IKBKB: variants seen among roughly 807,000 people sequenced by gnomAD.
IKBKB encodes inhibitor of nuclear factor kappa B kinase subunit beta.
IKBKB carries 42 observed loss-of-function variants against 113.6 expected under a neutral mutation model. That is an observed-to-expected ratio of 0.37 (90% CI 0.29 to 0.48). IKBKB has a LOEUF of 0.48. Among genes scored for constraint, IKBKB ranks in the 20% least tolerant of loss-of-function variants. The pLI is 0.99. For missense variants in IKBKB, 673 were observed against 939.7 expected (o/e 0.72, Z 3.71); for synonymous variants, 296 against 361.3 (o/e 0.82, Z 2.05).
At chr8:42,280,907 C>A (rs1446850124) in intron 2 of IKBKB, among the ~76,000 whole-genome samples, 2 of 152,188 alleles carry the variant, frequency 1.3e-5, no homozygotes, top group African/African-American at 2.4e-5. Context: ...AAAGCCTCTG[C>A]TCCGTTCAGT....
chr8:42,292,869 A>G lies in IKBKB; in HGVS notation c.319-574A>G, dbSNP rs138595612. Among the ~76,000 whole-genome samples, 7 of 152,260 alleles carry G rather than the reference A, an allele frequency of 4.6e-5. No individual in the cohort carries two copies. In the East Asian group the frequency reaches 5.8e-4, roughly 13 times the overall value. ...CGTGTAACCTCAGTTTCCTCCTCCAACACGGGGATTCCACCCGTACTTACT... is the reference window on the plus strand; with the variant it reads ...CGTGTAACCTCAGTTTCCTCCTCCAGCACGGGGATTCCACCCGTACTTACT... On this transcript the variant is annotated intron_variant, in intron 4 of 21. Coordinates refer to ENST00000520810, the MANE Select transcript of IKBKB (RefSeq NM_001556.3).
At chr8:42,293,683 C>T (rs1310642037) in intron 5 of IKBKB, 171 bp downstream of exon 5, 1 of 1,025,170 alleles carries the variant, frequency 9.8e-7, no homozygotes. Context: ...AACAAGGAGT[C>T]AGCCAGACAG....
At chr8:42,328,567 G>A (rs1289302362) in intron 20 of IKBKB, among the ~76,000 whole-genome samples, 4 of 152,192 alleles carry the variant, frequency 2.6e-5, no homozygotes, top group Admixed American at 1.3e-4. Context: ...CCACAGCATA[G>A]AGCTGAGGTT....
chr8:42,285,729 G>T (rs1297205803), intron 2 of IKBKB, among the ~76,000 whole-genome samples: 2 of 152,222 alleles, frequency 1.3e-5, no homozygotes, highest in Non-Finnish European at 2.9e-5. Flanking sequence ...GGACTGAGGG[G>T]GTCTCCCATA....
Position 42,290,249 on chromosome 8 carries a change from C to T in IKBKB, c.294C>T (p.Tyr98=), listed in dbSNP as rs1311874805. ...ACCTGCCCCTGCTGGCCATGGAGTA[C>T]TGCCAAGGAGGAGATCTCCGGAAGG... is the stretch of plus-strand genomic sequence containing the variant. ...PNDLPLLAME[Y]CQGGDLRKYL... Residue 98 remains tyrosine (Y), a synonymous_variant, in exon 4 of 22, where the codon TAC becomes TAT. Transcript: ENST00000520810. 6.2e-7 allele frequency: 1 copy of T among 1,613,160 alleles called. No homozygotes were observed. Among genetic ancestry groups the T allele is most frequent in the Non-Finnish European group, 8.5e-7 (1 of 1,179,474 alleles).
At chr8:42,329,904 C>G in intron 21 of IKBKB, 1 of 985,408 alleles carries the variant, frequency 1.0e-6, no homozygotes, top group Non-Finnish European at 1.2e-6. Flanking sequence ...TGCTAACCTC[C>G]CCTAACTTTA....
At position 42,316,649 on chromosome 8, in the gene IKBKB, A is replaced by G. The variant is rs559369218; in HGVS notation, c.931-61A>G. The stretch of plus-strand genomic sequence containing the variant: ...GGAGTAGCAGAGAGAGGACCTAGGC[A>G]AATAGATGGGCATTTCCTTGAAGAA... On this transcript the variant is annotated intron_variant, in intron 10 of 21. Coordinates refer to ENST00000520810, the MANE Select transcript of IKBKB (RefSeq NM_001556.3). This position sits in a 1 kb window ranked among gnomAD's most constrained non-coding sequence, Gnocchi z 4.5. The G allele has an allele frequency of 2.7e-6, 4 of 1,494,736 alleles. No homozygotes were observed. The South Asian group carries it at 5.1e-5, about 19-fold the overall frequency. The allele number at this position is 1,494,736 out of a possible 1,614,324, so 92.6% of individuals were successfully genotyped here. A position where few individuals can be genotyped will look rare whatever the true frequency, so the allele number is the denominator to read the frequency against.
At chr8:42,326,781 C>T (rs899505130) in intron 20 of IKBKB, among the ~76,000 whole-genome samples, 2 of 152,174 alleles carry the variant, frequency 1.3e-5, no homozygotes, top group South Asian at 4.1e-4. Flanking sequence ...AGGGTTGGGG[C>T]CCAGCAGTCT....
intron 19 of IKBKB, chr8:42,325,395 G>C: frequency 3.0e-6 from 3 of 986,036 alleles, no homozygotes; most frequent in Non-Finnish European, 3.6e-6. Flanking sequence ...TCTTGTAAAA[G>C]TTCATTAAGG....
intron 2 of IKBKB, among the ~76,000 whole-genome samples, chr8:42,283,511 T>C (rs893142274): frequency 2.6e-5 from 4 of 152,322 alleles, no homozygotes; most frequent in Middle Eastern, 3.4e-3. Context: ...GGTCAGCCGA[T>C]GCATGTGAGG....
chr8:42,293,414 T>C, intron 4 of IKBKB, 29 bp from the exon 5 acceptor site: 1 of 1,611,618 alleles, frequency 6.2e-7, no homozygotes, highest in African/African-American at 1.3e-5. Context: ...GACCACCAGC[T>C]CTGATGCTGC....
Position 42,316,665 on chromosome 8 carries a change from C to T in IKBKB, c.931-45C>T. 1 of 1,558,170 alleles carries T rather than the reference C, an allele frequency of 6.4e-7. No individual in the cohort carries two copies. The highest frequency in any genetic ancestry group is 8.7e-7 in the Non-Finnish European group (1 of 1,143,576). ...GACCTAGGCAAATAGATGGGCATTTCCTTGAAGAAATCGGTTTTCCAGTAA... is the reference window on the plus strand; with the variant it reads ...GACCTAGGCAAATAGATGGGCATTTTCTTGAAGAAATCGGTTTTCCAGTAA... On this transcript the variant is annotated intron_variant, in intron 10 of 21. Coordinates refer to ENST00000520810, the MANE Select transcript of IKBKB (RefSeq NM_001556.3). This position sits in a 1 kb window ranked among gnomAD's most constrained non-coding sequence, Gnocchi z 4.5.
chr8:42,306,294 G>A (rs748366408), intron 6 of IKBKB, 49 bp from the exon 7 acceptor site: 1 of 1,156,750 alleles, frequency 8.6e-7, no homozygotes, highest in Admixed American at 1.7e-5. Context: ...CCTCGTAGAA[G>A]GACATTGTGT....
intron 6 of IKBKB, 44 bp from the exon 7 acceptor site, chr8:42,306,299 T>C (rs769866905): frequency 6.7e-6 from 8 of 1,195,368 alleles, no homozygotes; most frequent in South Asian, 1.2e-5. Context: ...TAGAAGGACA[T>C]TGTGTTCTTA....
At chr8:42,298,609 C>G (rs1017258312) in intron 5 of IKBKB, 2 of 400,566 alleles carry the variant, frequency 5.0e-6, no homozygotes, top group Non-Finnish European at 6.8e-6. Flanking sequence ...GCATAAGTAA[C>G]CAGGTTAATA....
At chr8:42,284,071 G>A (rs763765653) in intron 2 of IKBKB, among the ~76,000 whole-genome samples, 3 of 152,202 alleles carry the variant, frequency 2.0e-5, no homozygotes, top group Non-Finnish European at 2.9e-5. Context: ...CTGTAGCAGT[G>A]TCTCAGTCGG....
At chr8:42,309,154 G>T (rs1005859935) in intron 8 of IKBKB, 129 bp downstream of exon 8, 3 of 1,059,816 alleles carry the variant, frequency 2.8e-6, no homozygotes, top group Non-Finnish European at 4.1e-6. Flanking sequence ...CGAGAGGAAG[G>T]CCTGTCAGGA....
At chr8:42,294,484 A>G (rs1179005231) in intron 5 of IKBKB, among the ~76,000 whole-genome samples, 3 of 152,192 alleles carry the variant, frequency 2.0e-5, no homozygotes, top group Non-Finnish European at 4.4e-5. Flanking sequence ...GGAAGGGTTG[A>G]TGGTCCAACA....
intron 5 of IKBKB, among the ~76,000 whole-genome samples, chr8:42,297,199 C>A (rs1382780317): frequency 6.6e-6 from 1 of 152,198 alleles, no homozygotes; most frequent in African/African-American, 2.4e-5. Flanking sequence ...TACTTTTATC[C>A]CTGTTTCTGA....
Sources: allele counts gnomAD v4.1 joint callset (sites outside exome capture counted in the v4.1 genomes callset), GRCh38; gene constraint gnomAD v4.1.1; non-coding constraint Gnocchi (gnomAD v3.1); transcripts MANE v1.5; gene names NCBI Gene and HGNC (gene_info 2026-07-23, HGNC 2026-07-21).